PRIM2: variants seen among roughly 807,000 people sequenced by gnomAD.
The protein encoded by PRIM2 is DNA primase subunit 2, also known as DNA primase large subunit.
In PRIM2, 39 loss-of-function variants were observed where a neutral mutation model predicts 67.3. The observed-to-expected ratio is 0.58, with a 90% CI of 0.45 to 0.76. The LOEUF is 0.76. Among genes scored for constraint, PRIM2 ranks in the 30% least tolerant of loss-of-function variants. The pLI, the probability that PRIM2 is intolerant of heterozygous loss-of-function variation, is 0.00. For missense variants in PRIM2, 398 were observed against 598.7 expected, an observed-to-expected ratio of 0.66 and a Z score of 3.50; for synonymous variants, 143 against 198.7, an observed-to-expected ratio of 0.72 and a Z score of 2.36.
At chr6:57,235,419 G>T in the PRIM2 span, among the ~76,000 whole-genome samples, 1 of 151,120 alleles carries the variant, frequency 6.6e-6, no homozygotes, top group African/African-American at 2.4e-5. Context: ...AGCTGAGATC[G>T]CGCCACTGCG....
chr6:57,540,904 C>G (rs1430851402), intron 10 of PRIM2, among the ~76,000 whole-genome samples: 2 of 152,230 alleles, frequency 1.3e-5, no homozygotes, highest in African/African-American at 2.4e-5. Flanking sequence ...TGCTAATCAT[C>G]TCAGCGTAAG....
intron 8 of PRIM2, among the ~76,000 whole-genome samples, chr6:57,531,184 G>A (rs1387795509): frequency 3.3e-5 from 5 of 152,066 alleles, no homozygotes; most frequent in East Asian, 3.9e-4. Context: ...AGACAGTCTC[G>A]CTCTATAGCC....
intron 7 of PRIM2, among the ~76,000 whole-genome samples, chr6:57,436,567 T>C (rs9464485): frequency 0.027 from 4,076 of 152,286 alleles, 163 homozygotes; most frequent in African/African-American, 0.092. Flanking sequence ...TTTAACTTAG[T>C]TGGATGCTGC....
At chr6:57,228,081 T>C in the PRIM2 span, among the ~76,000 whole-genome samples, 1 of 152,244 alleles carries the variant, frequency 6.6e-6, no homozygotes, top group African/African-American at 2.4e-5. Context: ...TAAATATTGA[T>C]GCATCTCCTG....
chr6:57,489,331 C>T (rs1773826795), intron 7 of PRIM2, among the ~76,000 whole-genome samples: 1 of 152,170 alleles, frequency 6.6e-6, no homozygotes, highest in Non-Finnish European at 1.5e-5. Context: ...CCAGCGCAGG[C>T]AGATCATGAG....
chr6:57,403,448 G>T (rs1377507186), intron 7 of PRIM2, among the ~76,000 whole-genome samples: 1 of 151,474 alleles, frequency 6.6e-6, no homozygotes, highest in African/African-American at 2.4e-5. Context: ...TTTTTTAGTA[G>T]AGACGGGGTT....
chr6:57,532,975 A>G (rs1774923728), intron 9 of PRIM2, among the ~76,000 whole-genome samples: 3 of 152,080 alleles, frequency 2.0e-5, no homozygotes, highest in African/African-American at 7.2e-5. Flanking sequence ...CACTGCTTGC[A>G]TACATCCCTG....
chr6:57,627,601 C>G (rs1393455792), intron 12 of PRIM2, among the ~76,000 whole-genome samples: 1 of 152,050 alleles, frequency 6.6e-6, no homozygotes, highest in African/African-American at 2.4e-5. Context: ...GTTGGCCAGA[C>G]TGGTCTTGAA....
intron 9 of PRIM2, among the ~76,000 whole-genome samples, chr6:57,533,075 C>A (rs1215293187): frequency 6.6e-5 from 10 of 151,948 alleles, no homozygotes; most frequent in Non-Finnish European, 1.3e-4. Context: ...TCTTTAAAGG[C>A]CCCATCTCTA....
chr6:57,493,658 T>C (rs1327344834), intron 7 of PRIM2, among the ~76,000 whole-genome samples: 1 of 152,216 alleles, frequency 6.6e-6, no homozygotes, highest in Non-Finnish European at 1.5e-5. Flanking sequence ...AAAATTTAAC[T>C]AAGACATGCA....
chr6:57,249,064 CTTTGAA>C, the PRIM2 span, among the ~76,000 whole-genome samples: 8 of 152,180 alleles, frequency 5.3e-5, no homozygotes, highest in Non-Finnish European at 1.0e-4. Context: ...ATTTAGTTAG[CTTTGAA>C]CCATGATCAC....
At chr6:57,394,709 G>A (rs1770462962) in intron 7 of PRIM2, among the ~76,000 whole-genome samples, 1 of 152,154 alleles carries the variant, frequency 6.6e-6, no homozygotes, top group Non-Finnish European at 1.5e-5. Context: ...TTAAAGAGGA[G>A]TGGTGAGAGT....
intron 7 of PRIM2, among the ~76,000 whole-genome samples, chr6:57,444,378 C>T (rs1022806394): frequency 1.3e-5 from 2 of 152,022 alleles, no homozygotes; most frequent in South Asian, 2.1e-4. Context: ...ACCAGCCTGA[C>T]GAACATACTG....
At chr6:57,534,304 AC>A (rs1774954078) in intron 9 of PRIM2, among the ~76,000 whole-genome samples, 1 of 150,120 alleles carries the variant, frequency 6.7e-6, no homozygotes, top group African/African-American at 2.5e-5. Context: ...TTGCTATTCG[AC>A]CCCCTCCCCC....
intron 8 of PRIM2, among the ~76,000 whole-genome samples, chr6:57,508,308 T>C (rs1774291558): frequency 6.5e-5 from 5 of 77,512 alleles, no homozygotes. Context: ...TATGTGACTA[T>C]TTTTTCCATT....
Position 57,520,471 on chromosome 6 carries a change from A to G in PRIM2, c.762-11940A>G, listed in dbSNP as rs1774587132. 2.6e-5 allele frequency among the ~76,000 whole-genome samples: 4 copies of G among 152,178 alleles called. No individual in the cohort carries two copies. The South Asian group carries it at 8.3e-4, about 31-fold the overall frequency. On this transcript the variant is annotated intron_variant, in intron 8 of 13. Transcript: ENST00000615550. ...AAAACCATCTGTATTTGGGTTCATT[A>G]TATTACTAGAATATATACTAAGAAT...
intron 10 of PRIM2, among the ~76,000 whole-genome samples, chr6:57,562,592 A>G (rs1195495662): frequency 6.6e-6 from 1 of 152,150 alleles, no homozygotes; most frequent in Non-Finnish European, 1.5e-5. Flanking sequence ...TCTATAGATG[A>G]TCTATGTTCT....
intron 13 of PRIM2, among the ~76,000 whole-genome samples, chr6:57,635,441 TATACTA>T (rs1454256722): frequency 2.0e-5 from 3 of 152,258 alleles, no homozygotes; most frequent in Non-Finnish European, 2.9e-5. Flanking sequence ...AAAATAATTT[TATACTA>T]ATAGTATATT....
the PRIM2 span, among the ~76,000 whole-genome samples, chr6:57,257,685 C>A: frequency 1.3e-5 from 2 of 152,138 alleles, no homozygotes; most frequent in African/African-American, 4.8e-5. Context: ...CTAGCTCCTC[C>A]CTTTTCTAAC....
Sources: gnomAD v4.1 joint callset for allele counts (sites outside exome capture counted in the v4.1 genomes callset) on GRCh38, gnomAD v4.1.1 for gene constraint, MANE v1.5 for transcripts, NCBI Gene and HGNC (gene_info 2026-07-23, HGNC 2026-07-21) for gene names.